PTPRD: variants seen among roughly 807,000 people sequenced by gnomAD.
PTPRD encodes the protein protein tyrosine phosphatase receptor type D.
In PTPRD, 34 loss-of-function variants were observed where a neutral mutation model predicts 214.5. That is an observed-to-expected ratio of 0.16 (90% confidence interval 0.12 to 0.21). The LOEUF (loss-of-function observed/expected upper bound fraction) is 0.21. Ranked by LOEUF, PTPRD falls within the 10% of genes least tolerant of loss-of-function variation. PTPRD has a pLI of 1.00. For synonymous variants in PTPRD, 1,128 were observed against 845.7 expected, an observed-to-expected ratio of 1.33 and a Z score of -5.79; for missense variants, 2,545 against 2,398.7, an observed-to-expected ratio of 1.06 and a Z score of -1.27.
At chr9:8,513,552 A>C (rs2138055363) in intron 21 of PTPRD, among the ~76,000 whole-genome samples, 1 of 152,266 alleles carries the variant, frequency 6.6e-6, no homozygotes, top group East Asian at 1.9e-4. Flanking sequence ...ATTTGTATTT[A>C]AAATGTACTT....
Position 8,871,282 on chromosome 9 carries a change from A to C in PTPRD, c.-103-137336T>G, listed in dbSNP as rs191020163. Among the ~76,000 whole-genome samples the C allele has an allele frequency of 4.7e-3, 720 of 152,296 alleles. 18 individuals carry two copies. The highest frequency in any genetic ancestry group is 0.044 in the Admixed American group (665 of 15,278). On this transcript the variant is annotated intron_variant, in intron 11 of 45. Coordinates refer to ENST00000381196, the MANE Select transcript of PTPRD (RefSeq NM_002839.4). ...GAAGACTACTCTAAAAAGCTACTTA[A>C]TTGCAGTATATTCTGTGAATGAAAG...
chr9:8,398,360 G>A (rs995563856), intron 36 of PTPRD, among the ~76,000 whole-genome samples: 5 of 152,126 alleles, frequency 3.3e-5, no homozygotes, highest in East Asian at 1.9e-4. Flanking sequence ...GCAGAGCTTC[G>A]GATGCGTTAT....
chr9:8,404,577 G>T lies in PTPRD; in HGVS notation c.4170C>A (p.Ile1390=), dbSNP rs758809344. Reference sequence around the variant, plus strand: ...GGAGAACCCGGGAATGATCATATGCGATTACATTCGCGTATCTATTCTTTG... The same window carrying T: ...GGAGAACCCGGGAATGATCATATGCTATTACATTCGCGTATCTATTCTTTG... ...NKPKNRYANV[I]AYDHSRVLLS... is the part of the protein sequence containing the mutation. Residue 1390 remains isoleucine (I), a synonymous_variant, in exon 36 of 46, where the codon ATC becomes ATA. Transcript: ENST00000381196. 2 of 1,613,154 alleles carry T rather than the reference G, an allele frequency of 1.2e-6. No homozygotes were observed. The highest frequency in any genetic ancestry group is 1.1e-5 in the South Asian group (1 of 91,024).
chr9:10,118,402 G>T (rs1248424373), intron 3 of PTPRD, among the ~76,000 whole-genome samples: 2 of 151,436 alleles, frequency 1.3e-5, no homozygotes, highest in Admixed American at 6.6e-5. Flanking sequence ...TGATCTAAGT[G>T]CATAAAAGCA....
chr9:10,591,916 A>G (rs1053175447), intron 2 of PTPRD, among the ~76,000 whole-genome samples: 9 of 152,138 alleles, frequency 5.9e-5, no homozygotes, highest in South Asian at 2.1e-4. Context: ...TGACGTGGCT[A>G]CAGACCCTAA....
chr9:9,825,104 GTTT>G (rs1335419274), intron 5 of PTPRD, among the ~76,000 whole-genome samples: 1 of 151,722 alleles, frequency 6.6e-6, no homozygotes, highest in African/African-American at 2.4e-5. Flanking sequence ...TGATACTGCA[GTTT>G]TTATGTTATT....
intron 3 of PTPRD, among the ~76,000 whole-genome samples, chr9:10,115,887 C>T (rs74549026): frequency 0.036 from 5,446 of 151,952 alleles, 329 homozygotes; most frequent in African/African-American, 0.12. Flanking sequence ...TAAATACATT[C>T]CTAAGTAAAA....
chr9:9,859,327 A>G (rs2062194772), intron 5 of PTPRD, among the ~76,000 whole-genome samples: 1 of 152,188 alleles, frequency 6.6e-6, no homozygotes. Context: ...ACCAATCACA[A>G]TCAATTGCAA....
chr9:9,025,027 T>C lies in PTPRD; in HGVS notation c.-142-6292A>G, dbSNP rs373723653. ...TTTTCATTCCAATTTGAATCAATGTTGCATTCAGTTTATCGTTGTTTAGTC... is the reference window on the plus strand; with the variant it reads ...TTTTCATTCCAATTTGAATCAATGTCGCATTCAGTTTATCGTTGTTTAGTC... On this transcript the variant is annotated intron_variant, in intron 10 of 45. Transcript: ENST00000381196. Among the ~76,000 whole-genome samples the C allele has an allele frequency of 2.6e-4, 40 of 152,172 alleles. 1 individual carries two copies. Among genetic ancestry groups the C allele is most frequent in the African/African-American group, 8.9e-4 (37 of 41,554 alleles).
At chr9:9,455,414 A>C (rs1468672363) in intron 8 of PTPRD, among the ~76,000 whole-genome samples, 2 of 151,648 alleles carry the variant, frequency 1.3e-5, no homozygotes, top group African/African-American at 4.8e-5. Context: ...TTATATATTT[A>C]TGTAAAATAT....
chr9:8,703,439 T>G (rs1014971148), intron 12 of PTPRD, among the ~76,000 whole-genome samples: 1 of 152,196 alleles, frequency 6.6e-6, no homozygotes, highest in Non-Finnish European at 1.5e-5. Flanking sequence ...TCAGTCTCCC[T>G]GATGTCATTA....
rs141206116 is a variant in PTPRD at position 8,622,869 on chromosome 9, C to T, written c.352+10448G>A. Among the ~76,000 whole-genome samples the T allele has an allele frequency of 1.8e-4, 27 of 151,828 alleles. No individual in the cohort carries two copies. The East Asian group carries it at 4.7e-3, about 26-fold the overall frequency. ...ATCAAGAAATTTTGGCTGGTAGCAG[C>T]GGCTTATGCCTGTAATCCCATGACT... On this transcript the variant is annotated intron_variant, in intron 14 of 45. Coordinates refer to ENST00000381196, the MANE Select transcript of PTPRD (RefSeq NM_002839.4).
At chr9:8,744,802 A>C (rs2092602209) in intron 11 of PTPRD, among the ~76,000 whole-genome samples, 1 of 152,228 alleles carries the variant, frequency 6.6e-6, no homozygotes, top group African/African-American at 2.4e-5. Flanking sequence ...ATTGAAATAA[A>C]AAATAAATTT....
At chr9:9,645,904 T>C (rs1029139450) in intron 7 of PTPRD, among the ~76,000 whole-genome samples, 1 of 152,234 alleles carries the variant, frequency 6.6e-6, no homozygotes, top group African/African-American at 2.4e-5. Flanking sequence ...AATTTATTAT[T>C]AATTGTTGTG....
intron 3 of PTPRD, among the ~76,000 whole-genome samples, chr9:10,241,583 G>T (rs1224515391): frequency 6.6e-6 from 1 of 151,770 alleles, no homozygotes; most frequent in Admixed American, 6.6e-5. Flanking sequence ...ACTACTGAAA[G>T]AAAAATACAA....
intron 5 of PTPRD, among the ~76,000 whole-genome samples, chr9:9,832,595 G>T (rs562358128): frequency 6.6e-6 from 1 of 151,944 alleles, no homozygotes; most frequent in Non-Finnish European, 1.5e-5. Flanking sequence ...GGTAATTTAG[G>T]TTTGGGGGTC....
At chr9:8,695,880 C>T (rs915685444) in intron 12 of PTPRD, among the ~76,000 whole-genome samples, 9 of 152,194 alleles carry the variant, frequency 5.9e-5, no homozygotes, top group African/African-American at 9.6e-5. Context: ...GAGTGGTACA[C>T]GCACAATCAT....
At chr9:8,687,030 A>T (rs763561156) in intron 12 of PTPRD, among the ~76,000 whole-genome samples, 3 of 152,236 alleles carry the variant, frequency 2.0e-5, no homozygotes, top group Non-Finnish European at 1.5e-5. Flanking sequence ...TTGAAAGAAA[A>T]ATCAATTAAA....
intron 7 of PTPRD, among the ~76,000 whole-genome samples, chr9:9,607,940 G>A (rs746729907): frequency 3.9e-5 from 6 of 151,996 alleles, no homozygotes; most frequent in African/African-American, 9.7e-5. Flanking sequence ...TCCTGCATTC[G>A]GATAAAGGGC....
Sources: gnomAD v4.1 joint callset for allele counts (sites outside exome capture counted in the v4.1 genomes callset) on GRCh38, gnomAD v4.1.1 for gene constraint, MANE v1.5 for transcripts, NCBI Gene and HGNC (gene_info 2026-07-23, HGNC 2026-07-21) for gene names.